Variants in CDC27 observed in about 807,000 individuals in gnomAD.
The protein encoded by CDC27 is cell division cycle protein 27 homolog.
A neutral mutation model predicts 109.7 loss-of-function variants in CDC27; 27 were observed. The observed-to-expected ratio is 0.25, with a 90% CI of 0.18 to 0.34. CDC27 has a LOEUF of 0.34. CDC27 is among the 10% of genes least tolerant of loss of function. CDC27 has a pLI of 1.00. For missense variants in CDC27, 579 were observed against 960.2 expected, an observed-to-expected ratio of 0.60 and a Z score of 5.25; for synonymous variants, 266 against 333.9, an observed-to-expected ratio of 0.80 and a Z score of 2.22.
chr17:47,158,085 T>G, intron 5 of CDC27, 121 bp downstream of exon 5: 1 of 420,612 alleles, frequency 2.4e-6, no homozygotes, highest in Non-Finnish European at 4.3e-6. Context: ...ATTCTCAATT[T>G]TAACTTTGAA....
chr17:47,160,752 T>C (rs2063475544), intron 4 of CDC27, among the ~76,000 whole-genome samples: 5 of 152,064 alleles, frequency 3.3e-5, no homozygotes, highest in Admixed American at 3.3e-4. Flanking sequence ...TCAGGTAAAA[T>C]GTATACATCA....
chr17:47,142,157 G>A (rs1299284885), intron 11 of CDC27, 72 bp downstream of exon 11: 2 of 1,140,904 alleles, frequency 1.8e-6, no homozygotes, highest in Non-Finnish European at 2.5e-6. Context: ...GTACTGTAAT[G>A]AACATAAAGA....
At chr17:47,171,021 G>C (rs956791149) in intron 3 of CDC27, 3 of 152,086 alleles carry the variant, frequency 2.0e-5, no homozygotes, top group Non-Finnish European at 4.4e-5. Context: ...GGATCGCTTA[G>C]GCCCAGATGG....
chr17:47,137,117 A>G (rs905819661), intron 14 of CDC27, 35 bp downstream of exon 14: 1 of 1,333,756 alleles, frequency 7.5e-7, no homozygotes, highest in Admixed American at 2.1e-5. Flanking sequence ...AGCACCATCA[A>G]TACGACTTTG....
rs141784185 is a variant in CDC27 at position 47,146,292 on chromosome 17, T to C, written c.1071-2310A>G. Among the ~76,000 whole-genome samples, 233 of 152,348 alleles carry C rather than the reference T, an allele frequency of 1.5e-3. 1 individual carries two copies. The highest frequency in any genetic ancestry group is 8.9e-3 in the East Asian group (46 of 5,192). ...AGGGTAGTAGGAATCCTTAAATTTG[T>C]AGCCAGTTGGTCAGAAATGTGGGTG... On this transcript the variant is annotated intron_variant, in intron 9 of 18. Transcript: ENST00000066544.
chr17:47,144,408 C>G (rs2062891646), intron 9 of CDC27, among the ~76,000 whole-genome samples: 1 of 152,182 alleles, frequency 6.6e-6, no homozygotes, highest in Admixed American at 6.5e-5. Context: ...ATCTATAAAT[C>G]AATTATTTTT....
intron 5 of CDC27, among the ~76,000 whole-genome samples, chr17:47,157,761 A>G (rs1261235072): frequency 6.6e-6 from 1 of 152,242 alleles, no homozygotes; most frequent in African/African-American, 2.4e-5. Context: ...AAGCCCTTCT[A>G]TATATACATA....
chr17:47,143,906 TA>T lies in CDC27; in HGVS notation c.1146del (p.Phe382LeufsTer15). ...ACCTTGGTTGTGGAGCTGTCACTAG[TA>T]AAGAGTCGTGAACTTCTTCGAGGCA... is the stretch of plus-strand genomic sequence containing the variant. ...NALPRRSSRLFTSDSSTTKEN... is the reference protein window; with the variant it reads ...NALPRRSSRLXTSDSSTTKEN... On this transcript the variant is annotated frameshift_variant, in exon 10 of 19. Transcript: ENST00000066544. LOFTEE classifies it high-confidence loss of function. 6.7e-7 allele frequency: 1 copy of T among 1,481,764 alleles called. No individual in the cohort carries two copies. 91.8% of individuals were successfully genotyped at this position (1,481,764 alleles called of 1,614,324 possible).
chr17:47,163,027 G>A (rs1381135045), intron 4 of CDC27, among the ~76,000 whole-genome samples: 1 of 152,078 alleles, frequency 6.6e-6, no homozygotes, highest in African/African-American at 2.4e-5. Context: ...GTAAAGTGCT[G>A]GGGTACTCTA....
rs1235828083 is a variant in CDC27 at position 47,120,746 on chromosome 17, G to A, written c.*189C>T. The A allele has an allele frequency of 2.0e-6, 1 of 493,256 alleles. No individual in the cohort carries two copies. The highest frequency in any genetic ancestry group is 2.0e-5 in the African/African-American group (1 of 50,442). The allele number at this position is 493,256 out of a possible 1,614,324, so 30.6% of individuals were successfully genotyped here. A position where few individuals can be genotyped will look rare whatever the true frequency, so the allele number is the denominator to read the frequency against. Reference sequence around the variant, plus strand: ...TCATACTGGTAAAAGAGCCAGTCTTGTTAGCAGCTAAATATTGCACTGCCT... The same window carrying A: ...TCATACTGGTAAAAGAGCCAGTCTTATTAGCAGCTAAATATTGCACTGCCT... On this transcript the variant is annotated 3_prime_UTR_variant, in exon 19 of 19. Transcript: ENST00000066544.
At chr17:47,151,660 G>GT (rs1183946280) in intron 9 of CDC27, 146 bp downstream of exon 9, 6 of 529,830 alleles carry the variant, frequency 1.1e-5, no homozygotes, top group African/African-American at 9.7e-5. Flanking sequence ...CATTAGTGTT[G>GT]TAAGTTAGAG....
chr17:47,133,389 T>TG (rs2062455712), intron 14 of CDC27, among the ~76,000 whole-genome samples: 1 of 144,332 alleles, frequency 6.9e-6, no homozygotes, highest in African/African-American at 2.6e-5. Flanking sequence ...CCGCCCGCCT[T>TG]GGCCTCCCAA....
At chr17:47,146,989 G>A (rs917784050) in intron 9 of CDC27, among the ~76,000 whole-genome samples, 4 of 152,184 alleles carry the variant, frequency 2.6e-5, no homozygotes, top group African/African-American at 7.2e-5. Context: ...CTTGAGCCCA[G>A]GAGTTTGAGG....
intron 7 of CDC27, 155 bp from the exon 8 acceptor site, chr17:47,154,941 G>A: frequency 2.1e-6 from 1 of 479,032 alleles, no homozygotes; most frequent in Non-Finnish European, 3.7e-6. Flanking sequence ...AGCTGTGAAT[G>A]TAGACTATTC....
At chr17:47,126,648 T>C (rs2062149806) in intron 16 of CDC27, among the ~76,000 whole-genome samples, 1 of 152,226 alleles carries the variant, frequency 6.6e-6, no homozygotes. Context: ...GGTATTAAAA[T>C]GGCTTTAAGA....
chr17:47,163,150 G>C (rs922872467), intron 4 of CDC27, among the ~76,000 whole-genome samples: 6 of 152,076 alleles, frequency 3.9e-5, no homozygotes, highest in African/African-American at 1.4e-4. Flanking sequence ...GAAGAAATAG[G>C]ATAATTTAGG....
chr17:47,184,850 C>T (rs889915156), intron 1 of CDC27, among the ~76,000 whole-genome samples: 7 of 152,206 alleles, frequency 4.6e-5, no homozygotes, highest in Non-Finnish European at 1.0e-4. Context: ...CTCTGCCCAA[C>T]TGATGGTGTG....
At chr17:47,138,579 G>T (rs2062694181) in intron 13 of CDC27, among the ~76,000 whole-genome samples, 160 bp downstream of exon 13, 1 of 152,006 alleles carries the variant, frequency 6.6e-6, no homozygotes, top group Non-Finnish European at 1.5e-5. Flanking sequence ...ACACATTCTA[G>T]GACTTTCTCT....
intron 2 of CDC27, among the ~76,000 whole-genome samples, chr17:47,174,534 C>G (rs921676020): frequency 6.6e-6 from 1 of 152,146 alleles, no homozygotes; most frequent in Non-Finnish European, 1.5e-5. Context: ...ATTGCATAAT[C>G]ATGAATGAAG....
Sources: gnomAD v4.1 joint callset for allele counts (sites outside exome capture counted in the v4.1 genomes callset) on GRCh38, gnomAD v4.1.1 for gene constraint, MANE v1.5 for transcripts, NCBI Gene and HGNC (gene_info 2026-07-23, HGNC 2026-07-21) for gene names.